Variants in CMC1 observed in about 807,000 individuals in gnomAD.
CMC1 encodes the protein C-X9-C motif containing 1, also known as COX assembly mitochondrial protein homolog.
In CMC1, 14 loss-of-function variants were observed where a neutral mutation model predicts 14.1. That is an observed-to-expected ratio of 0.99 (90% confidence interval 0.66 to 1.55). The LOEUF (loss-of-function observed/expected upper bound fraction) is 1.55, where lower values mean the gene tolerates loss of function less well. CMC1 is among the 40% of genes most tolerant of loss of function. CMC1 has a pLI of 0.00. For synonymous variants in CMC1, 50 were observed against 38.4 expected, an observed-to-expected ratio of 1.30 and a Z score of -1.12; for missense variants, 127 against 123.8, an observed-to-expected ratio of 1.03 and a Z score of -0.12.
At chr3:28,306,208 T>C (rs945926444) in intron 2 of CMC1, among the ~76,000 whole-genome samples, 2 of 152,192 alleles carry the variant, frequency 1.3e-5, no homozygotes, top group Non-Finnish European at 2.9e-5. Flanking sequence ...GATAGTTTTT[T>C]CCAATTCTGT....
intron 1 of CMC1, among the ~76,000 whole-genome samples, chr3:28,250,715 C>T (rs905164288): frequency 6.6e-6 from 1 of 152,076 alleles, no homozygotes; most frequent in African/African-American, 2.4e-5. Context: ...TAGAAACCAC[C>T]AGTAGATAGT....
chr3:28,265,045 A>T (rs574807599), intron 2 of CMC1, among the ~76,000 whole-genome samples: 21 of 152,288 alleles, frequency 1.4e-4, no homozygotes, highest in East Asian at 7.7e-4. Context: ...AATGGTACAG[A>T]AAATAAAGTG....
intron 2 of CMC1, among the ~76,000 whole-genome samples, chr3:28,282,761 C>T (rs1700964458): frequency 6.6e-6 from 1 of 152,146 alleles, no homozygotes; most frequent in Non-Finnish European, 1.5e-5. Context: ...GATCTGTTTA[C>T]ATTTAACTTT....
At chr3:28,244,533 C>T (rs1229220861) in intron 1 of CMC1, among the ~76,000 whole-genome samples, 1 of 152,018 alleles carries the variant, frequency 6.6e-6, no homozygotes, top group Non-Finnish European at 1.5e-5. Context: ...TTTGAGACCA[C>T]CCTGGGCAAC....
At chr3:28,257,559 G>A (rs145901914) in intron 1 of CMC1, among the ~76,000 whole-genome samples, 3 of 152,028 alleles carry the variant, frequency 2.0e-5, no homozygotes, top group African/African-American at 7.2e-5. Context: ...TCACTCTGTC[G>A]CCAGGCTGGA....
At chr3:28,298,124 GACTCTACCTGTAGAGTAGAGTCCT>G (rs1471851114) in intron 2 of CMC1, 9 of 151,402 alleles carry the variant, frequency 5.9e-5, no homozygotes, top group South Asian at 2.1e-4. Flanking sequence ...GAGTCTACAG[GACTCTACCTGTAGAGTAGAGTCCT>G]ACTCTACAAG....
intron 3 of CMC1, chr3:28,319,036 T>TA (rs1703074409): frequency 8.7e-6 from 3 of 344,888 alleles, no homozygotes; most frequent in Admixed American, 4.0e-5. Flanking sequence ...GGTACCTATC[T>TA]ACTTGGCAGG....
chr3:28,308,136 C>T (rs1474450419), intron 2 of CMC1, among the ~76,000 whole-genome samples: 3 of 152,136 alleles, frequency 2.0e-5, no homozygotes, highest in Admixed American at 6.5e-5. Context: ...CCTTAATTCC[C>T]ATTTCCTGTG....
chr3:28,272,694 T>G (rs1287087690), intron 2 of CMC1, among the ~76,000 whole-genome samples: 1 of 151,734 alleles, frequency 6.6e-6, no homozygotes. Context: ...TTTTCTTTCT[T>G]TTTTTTTGAA....
chr3:28,252,102 G>T (rs1699160864), intron 1 of CMC1, among the ~76,000 whole-genome samples: 1 of 152,168 alleles, frequency 6.6e-6, no homozygotes, highest in South Asian at 2.1e-4. Context: ...TCCTGCTTTG[G>T]TATACTTTTA....
At chr3:28,252,753 G>T (rs559706590) in intron 1 of CMC1, among the ~76,000 whole-genome samples, 27 of 152,288 alleles carry the variant, frequency 1.8e-4, no homozygotes, top group African/African-American at 6.3e-4. Flanking sequence ...TAGAGCCTGG[G>T]TTACATGATC....
At chr3:28,295,490 T>G (rs1443010304) in intron 2 of CMC1, among the ~76,000 whole-genome samples, 1 of 152,120 alleles carries the variant, frequency 6.6e-6, no homozygotes, top group Non-Finnish European at 1.5e-5. Flanking sequence ...AAAAATCTCC[T>G]TAGAGGGGCC....
intron 2 of CMC1, among the ~76,000 whole-genome samples, chr3:28,299,405 T>G (rs1160529118): frequency 6.6e-6 from 1 of 152,112 alleles, no homozygotes; most frequent in East Asian, 1.9e-4. Flanking sequence ...TTCAGTGATG[T>G]TAACTGAACC....
rs183221268 is a variant in CMC1 at position 28,299,667 on chromosome 3, T to C, written c.110-16666T>C. On this transcript the variant is annotated intron_variant, in intron 2 of 3. Coordinates refer to ENST00000466830, the MANE Select transcript of CMC1 (RefSeq NM_182523.2). The stretch of plus-strand genomic sequence containing the variant: ...CTGTCACAATTTTATAATGATATAT[T>C]TTCTAGTTACTAATTTTAAAACCAA... 2.4e-4 allele frequency among the ~76,000 whole-genome samples: 37 copies of C among 152,272 alleles called. No homozygotes were observed. In the East Asian group the frequency reaches 6.0e-3, roughly 25 times the overall value.
intron 2 of CMC1, among the ~76,000 whole-genome samples, chr3:28,294,702 C>G (rs1233551622): frequency 6.6e-6 from 1 of 151,986 alleles, no homozygotes; most frequent in African/African-American, 2.4e-5. Flanking sequence ...TTAAAAAAAT[C>G]TTTTTAACTT....
intron 2 of CMC1, among the ~76,000 whole-genome samples, chr3:28,313,604 C>T (rs776334491): frequency 1.1e-4 from 16 of 152,210 alleles, no homozygotes; most frequent in Non-Finnish European, 2.1e-4. Flanking sequence ...AATCTTGTTG[C>T]TAAACAAGTG....
At chr3:28,316,000 T>A (rs528375886) in intron 2 of CMC1, 18 of 171,324 alleles carry the variant, frequency 1.1e-4, no homozygotes, top group Non-Finnish European at 2.0e-4. Flanking sequence ...AGAAATCCTA[T>A]CTCTACATCC....
intron 2 of CMC1, among the ~76,000 whole-genome samples, chr3:28,295,039 G>A (rs1020771456): frequency 6.6e-6 from 1 of 152,090 alleles, no homozygotes; most frequent in Non-Finnish European, 1.5e-5. Flanking sequence ...AGAATGCAGT[G>A]TTCACGCTGT....
At chr3:28,281,424 A>T (rs1700888583) in intron 2 of CMC1, among the ~76,000 whole-genome samples, 2 of 152,210 alleles carry the variant, frequency 1.3e-5, no homozygotes, top group Admixed American at 1.3e-4. Flanking sequence ...GGTAACAAAG[A>T]TTGAGTAGAT....
Sources: allele counts gnomAD v4.1 joint callset (sites outside exome capture counted in the v4.1 genomes callset), GRCh38; gene constraint gnomAD v4.1.1; transcripts MANE v1.5; gene names NCBI Gene and HGNC (gene_info 2026-07-23, HGNC 2026-07-21).